The following RPUSD4 variants were observed in gnomAD, a reference collection of about 807,000 sequenced individuals.
RPUSD4 encodes RNA pseudouridine synthase D4, also known as pseudouridylate synthase RPUSD4, mitochondrial.
A neutral mutation model predicts 35.4 loss-of-function variants in RPUSD4; 37 were observed. That is an observed-to-expected ratio of 1.04 (90% CI 0.80 to 1.37). RPUSD4 has a LOEUF of 1.37. Ranked by LOEUF, RPUSD4 falls within the 40% of genes most tolerant of loss-of-function variation. RPUSD4 has a pLI of 0.00. For synonymous variants in RPUSD4, 210 were observed against 192.7 expected (o/e 1.09, Z -0.74); for missense variants, 507 against 484.9 (o/e 1.05, Z -0.43).
At chr11:126,211,222 G>A in intron 1 of RPUSD4, 167 bp from the exon 2 acceptor site, 3 of 948,126 alleles carry the variant, frequency 3.2e-6, no homozygotes, top group East Asian at 4.9e-5. Context: ...TCTAACCTGC[G>A]TACCGACGCA....
At chr11:126,211,354 C>T in intron 1 of RPUSD4, 96 bp downstream of exon 1, 1 of 1,346,578 alleles carries the variant, frequency 7.4e-7, no homozygotes, top group Non-Finnish European at 1.0e-6. Context: ...GCTATTGACT[C>T]ACACGCTTTC....
chr11:126,205,739 C>T lies in RPUSD4; in HGVS notation c.600G>A (p.Val200=), dbSNP rs1413983007. The T allele has an allele frequency of 6.2e-7, 1 of 1,612,816 alleles. No individual in the cohort carries two copies. The highest frequency in any genetic ancestry group is 1.3e-5 in the African/African-American group (1 of 74,920). ...VHVPMPSAGV[V]DIPIVEKEAQ... is the part of the protein sequence containing the mutation. ...CCTCCTTCTCCACAATGGGGATGTC[C>T]ACGACTCCTGCTGAGGGCATGGGGA... Residue 200 remains valine (V), a synonymous_variant, in exon 4 of 7, where the codon GTG becomes GTA. Coordinates refer to ENST00000298317, the MANE Select transcript of RPUSD4 (RefSeq NM_032795.3).
intron 3 of RPUSD4, among the ~76,000 whole-genome samples, chr11:126,207,230 G>A (rs947751832): frequency 3.3e-5 from 5 of 152,024 alleles, no homozygotes; most frequent in African/African-American, 1.2e-4. Context: ...TTAATAACCT[G>A]CCCAAGGCCC....
chr11:126,203,160 G>C lies in RPUSD4; in HGVS notation c.*258C>G. 1 of 441,580 alleles carries C rather than the reference G, an allele frequency of 2.3e-6. No individual in the cohort carries two copies. The highest frequency in any genetic ancestry group is 3.1e-5 in the South Asian group (1 of 31,870). The allele number at this position is 441,580 out of a possible 1,614,324, so 27.4% of individuals were successfully genotyped here. On this transcript the variant is annotated 3_prime_UTR_variant, in exon 7 of 7. Coordinates refer to ENST00000298317, the MANE Select transcript of RPUSD4 (RefSeq NM_032795.3). ...TTCCATATTGGCAATGAGAGCCCAC[G>C]GCAGGGAGACTTCCAGCAGGCTTTT...
chr11:126,211,298 G>A, intron 1 of RPUSD4, 152 bp downstream of exon 1: 3 of 986,404 alleles, frequency 3.0e-6, no homozygotes, highest in Admixed American at 2.3e-5. Context: ...TACCCTTACT[G>A]ACCCCTCCCC....
rs201150293 is a variant in RPUSD4, at chr11:126,211,505, C to T, written c.134G>A (p.Arg45Lys). The T allele has an allele frequency of 3.2e-5, 51 of 1,614,102 alleles. No homozygotes were observed. The highest frequency in any genetic ancestry group is 3.3e-4 in the Middle Eastern group (2 of 6,082). The change falls in exon 1 of 7, where the codon AGA (arginine) becomes AAA (lysine). Residue 45 changes from arginine to lysine, a missense_variant. By Grantham distance (26) the Arg-to-Lys change is conservative. Coordinates refer to ENST00000298317, the MANE Select transcript of RPUSD4 (RefSeq NM_032795.3). Reference sequence around the variant, plus strand: ...CTGGGCTCGGAGCTTCTCCGCTAATCTCTGGGCATTTATGGCCGTAGAGGC... The same window carrying T: ...CTGGGCTCGGAGCTTCTCCGCTAATTTCTGGGCATTTATGGCCGTAGAGGC... Reference protein sequence around the residue: ...AAASTAINAQRLAEKLRAQKR... With the variant: ...AAASTAINAQKLAEKLRAQKR...
Position 126,211,613 on chromosome 11 carries a change from G to C in RPUSD4, c.26C>G (p.Ser9Trp). ...GCCGTTTCCCCGGATCCAGGGGCCC[G>C]ACGCGCTCCACCTGGGCGCCGCCAT... MAAPRWSA[S>W]GPWIRGNGQG... is the part of the protein sequence containing the mutation. The change falls in exon 1 of 7, where the codon TCG (serine) becomes TGG (tryptophan). Residue 9 changes from serine (S) to tryptophan (W), a missense_variant. Transcript: ENST00000298317. 6.2e-7 allele frequency: 1 copy of C among 1,613,732 alleles called. No individual in the cohort carries two copies. The highest frequency in any genetic ancestry group is 8.5e-7 in the Non-Finnish European group (1 of 1,179,940).
In RPUSD4 at chr11:126,203,588, G is replaced by C. The variant is rs571835634; in HGVS notation, c.964C>G (p.Leu322Val). ...GGCAGGATCAGCTGCCGGGCGTGCA[G>C]GTGAAGGGGGATGTAGCGGGCCTTC... is the stretch of plus-strand genomic sequence containing the variant. ...QSKARYIPLHLHARQLILPAL... is the reference protein window; with the variant it reads ...QSKARYIPLHVHARQLILPAL... The change falls in exon 7 of 7, where the codon CTG (leucine) becomes GTG (valine). Residue 322 changes from leucine to valine, a missense_variant. Physicochemically the swap from Leu to Val is conservative, Grantham distance 32. Transcript: ENST00000298317. The C allele has an allele frequency of 2.5e-6, 4 of 1,614,236 alleles. No individual in the cohort carries two copies. The highest frequency in any genetic ancestry group is 2.2e-5 in the East Asian group (1 of 44,886).
intron 1 of RPUSD4, 32 bp downstream of exon 1, chr11:126,211,418 C>T (rs759466262): frequency 2.2e-5 from 35 of 1,586,200 alleles, no homozygotes; most frequent in Non-Finnish European, 2.8e-5. Flanking sequence ...GAGCGCACTG[C>T]CTCTAGGGAG....
At position 126,205,489 on chromosome 11, in the gene RPUSD4, C is replaced by A. The variant is rs200634474; in HGVS notation, c.775G>T (p.Val259Leu). 4 of 1,614,242 alleles carry A rather than the reference C, an allele frequency of 2.5e-6. No individual in the cohort carries two copies. In the East Asian group the frequency reaches 8.9e-5, roughly 36 times the overall value. Residue 259 changes from valine to leucine, a missense_variant, in exon 5 of 7, where the codon GTG (valine) becomes TTG (leucine). Val to Leu is a conservative substitution (Grantham distance 32). Transcript: ENST00000298317. ...VLSSTLSSAL[V>L]ELQPITGIKH... ...TCACCAGTGATGGGCTGGAGCTCCA[C>A]GAGGGCGGAGGAGAGAGTGCTGCTG... is the stretch of plus-strand genomic sequence containing the variant.
chr11:126,211,379 C>T, intron 1 of RPUSD4, 71 bp downstream of exon 1: 12 of 1,491,820 alleles, frequency 8.0e-6, no homozygotes, highest in Non-Finnish European at 1.1e-5. Context: ...AGAGGACCCT[C>T]CTACCTACTC....
chr11:126,209,766 C>T (rs1460872276), intron 2 of RPUSD4, 44 bp from the exon 3 acceptor site: 9 of 1,540,520 alleles, frequency 5.8e-6, no homozygotes, highest in Non-Finnish European at 8.0e-6. Context: ...AGGAAAAGAT[C>T]TCGCCAAAGA....
chr11:126,209,344 C>T, intron 3 of RPUSD4, 177 bp downstream of exon 3: 2 of 588,352 alleles, frequency 3.4e-6, no homozygotes, highest in Non-Finnish European at 6.0e-6. Context: ...AATTAAGAAC[C>T]ACTGTTCTAT....
In RPUSD4 at chr11:126,204,231, C is replaced by T. The variant is rs1176010907; in HGVS notation, c.894G>A (p.Gln298=). 3.1e-6 allele frequency: 5 copies of T among 1,610,108 alleles called. No homozygotes were observed. The highest frequency in any genetic ancestry group is 4.2e-6 in the Non-Finnish European group (5 of 1,177,216). Residue 298 remains glutamine (Q), a splice_region_variant and synonymous_variant, in exon 6 of 7, where the codon CAG becomes CAA. Coordinates refer to ENST00000298317, the MANE Select transcript of RPUSD4 (RefSeq NM_032795.3). ...GCACATTGGGTCAAATTAGTATTAC[C>T]TGGGGGGCCAACCTATTCCAGTCTG... ...KYSDWNRLAP[Q]KLSVGTLKKL...
chr11:126,208,800 A>T (rs1004367345), intron 3 of RPUSD4: 2 of 152,324 alleles, frequency 1.3e-5, no homozygotes, highest in African/African-American at 4.8e-5. Context: ...TACTGTATAC[A>T]CTAGACATAT....
At chr11:126,210,550 C>CACACACACACACACACACACACACACA (rs3220746) in intron 2 of RPUSD4, among the ~76,000 whole-genome samples, 1 of 144,634 alleles carries the variant, frequency 6.9e-6, no homozygotes, top group African/African-American at 2.6e-5. Context: ...CACACACACA[C>CACACACACACACACACACACACACACA]CCCCTTTTTT....
intron 2 of RPUSD4, 40 bp downstream of exon 2, chr11:126,210,850 G>A: frequency 6.4e-7 from 1 of 1,572,198 alleles, no homozygotes; most frequent in Non-Finnish European, 8.7e-7. Context: ...GTAGCAGAAA[G>A]CAGCTGCAGG....
intron 1 of RPUSD4, 58 bp downstream of exon 1, chr11:126,211,392 C>A: frequency 6.6e-7 from 1 of 1,523,832 alleles, no homozygotes; most frequent in Non-Finnish European, 8.8e-7. Context: ...ACCTACTCCC[C>A]GTCTGGGAAA....
rs1185485954 is a variant in RPUSD4, at chr11:126,205,712, C to T, written c.627G>A (p.Ala209=). The change falls in exon 4 of 7, where the codon GCG becomes GCA. Residue 209 remains alanine, a synonymous_variant. Transcript: ENST00000298317. ...CCTTGTGGTGTTGCTGCTGGCCTTGCGCCTCCTTCTCCACAATGGGGATGT... is the reference window on the plus strand; with the variant it reads ...CCTTGTGGTGTTGCTGCTGGCCTTGTGCCTCCTTCTCCACAATGGGGATGT... ...VVDIPIVEKE[A]QGQQQHHKMT... 29 of 1,613,206 alleles carry T rather than the reference C, an allele frequency of 1.8e-5. No homozygotes were observed. The highest frequency in any genetic ancestry group is 2.3e-5 in the Non-Finnish European group (27 of 1,179,500).
Sources: allele counts gnomAD v4.1 joint callset (sites outside exome capture counted in the v4.1 genomes callset), GRCh38; gene constraint gnomAD v4.1.1; transcripts MANE v1.5; gene names NCBI Gene and HGNC (gene_info 2026-07-23, HGNC 2026-07-21).